Variants in ATAD1 observed in about 807,000 individuals in gnomAD.
ATAD1 encodes ATPase family AAA domain containing 1.
ATAD1 carries 18 observed loss-of-function variants against 42.7 expected under a neutral mutation model. The ratio of observed to expected loss-of-function variants is 0.42; its 90% CI spans 0.29 to 0.63. The LOEUF (loss-of-function observed/expected upper bound fraction) is 0.63. Ranked by LOEUF, ATAD1 falls within the 20% of genes least tolerant of loss-of-function variation. The pLI, the probability that ATAD1 is intolerant of heterozygous loss-of-function variation, is 0.19. For synonymous variants in ATAD1, 132 were observed against 143.1 expected (o/e 0.92, Z 0.55); for missense variants, 294 against 440.4 (o/e 0.67, Z 2.98).
chr10:87,784,491 T>TG lies in ATAD1; in HGVS notation c.561dup (p.Ile188HisfsTer6). ...ATACCTATTTCATCTATAAAGATGA[T>TG]GGATGGTTGTAGCTTTATGGCAAGG... On this transcript the variant is annotated frameshift_variant, in exon 5 of 10. Coordinates refer to ENST00000680024, the MANE Select transcript of ATAD1 (RefSeq NM_001321967.2). LOFTEE classifies it high-confidence loss of function. 1 of 1,613,480 alleles carries TG rather than the reference T, an allele frequency of 6.2e-7. No individual in the cohort carries two copies. Among genetic ancestry groups the TG allele is most frequent in the Non-Finnish European group, 8.5e-7 (1 of 1,179,668 alleles).
At chr10:87,828,557 G>C (rs975765333) in intron 1 of ATAD1, among the ~76,000 whole-genome samples, 3 of 152,234 alleles carry the variant, frequency 2.0e-5, no homozygotes, top group Non-Finnish European at 4.4e-5. Context: ...GAAGCAGCAA[G>C]TGCTAATGGA....
intron 1 of ATAD1, 184 bp downstream of exon 1, chr10:87,817,983 C>T (rs1245266223): frequency 1.0e-6 from 1 of 985,532 alleles, no homozygotes; most frequent in African/African-American, 1.7e-5. Context: ...CCGGGACGCC[C>T]TTGGAGGTTA....
At chr10:87,811,884 T>C (rs909946578) in intron 2 of ATAD1, among the ~76,000 whole-genome samples, 1 of 152,216 alleles carries the variant, frequency 6.6e-6, no homozygotes, top group Non-Finnish European at 1.5e-5. Context: ...TCAAATGTCA[T>C]CTTCTCATAA....
chr10:87,825,219 T>G (rs373103440), intron 1 of ATAD1, among the ~76,000 whole-genome samples: 72 of 152,180 alleles, frequency 4.7e-4, no homozygotes, highest in African/African-American at 1.7e-3. Flanking sequence ...AAAAATTAAT[T>G]TAGTAGATGA....
intron 1 of ATAD1, among the ~76,000 whole-genome samples, chr10:87,834,638 T>C (rs544590944): frequency 6.6e-6 from 1 of 152,264 alleles, no homozygotes; most frequent in African/African-American, 2.4e-5. Flanking sequence ...CTTTCATTCC[T>C]GATATGGTAA....
chr10:87,794,597 G>C (rs1322560047), intron 2 of ATAD1, among the ~76,000 whole-genome samples: 1 of 152,158 alleles, frequency 6.6e-6, no homozygotes, highest in Non-Finnish European at 1.5e-5. Flanking sequence ...AGTAGAGGTA[G>C]AGATGCCACT....
intron 2 of ATAD1, among the ~76,000 whole-genome samples, chr10:87,810,894 T>G (rs187350740): frequency 2.6e-5 from 4 of 152,348 alleles, no homozygotes; most frequent in East Asian, 1.9e-4. Context: ...TTTTGTATAC[T>G]GAGCCCCTCT....
intron 8 of ATAD1, among the ~76,000 whole-genome samples, chr10:87,763,078 C>CTAA (rs879404224): frequency 2.1e-5 from 1 of 47,914 alleles, no homozygotes; most frequent in Non-Finnish European, 3.5e-5. Context: ...GAGACTCTGT[C>CTAA]ACAAAAAAAA....
Position 87,756,929 on chromosome 10 carries a change from CAAATAT to C in ATAD1, c.832-13_832-8del. The C allele has an allele frequency of 6.3e-7, 1 of 1,576,432 alleles. No homozygotes were observed. The highest frequency in any genetic ancestry group is 8.6e-7 in the Non-Finnish European group (1 of 1,166,972). On this transcript the variant is annotated splice_region_variant and splice_polypyrimidine_tract_variant and intron_variant, in intron 8 of 9. Transcript: ENST00000680024. ...GGTCTACATGCCTATCCACCTTAAACAAATATAAAAACATGCTTAAAAAACAAAAAT... is the reference window on the plus strand; with the variant it reads ...GGTCTACATGCCTATCCACCTTAAACAAAAACATGCTTAAAAAACAAAAAT...
At chr10:87,769,183 A>T (rs1479274687) in intron 7 of ATAD1, among the ~76,000 whole-genome samples, 5 of 152,236 alleles carry the variant, frequency 3.3e-5, no homozygotes, top group Non-Finnish European at 5.9e-5. Flanking sequence ...ACAAATTTTT[A>T]AAAAAGTGTT....
At chr10:87,790,042 T>C (rs1856021411) in intron 4 of ATAD1, among the ~76,000 whole-genome samples, 1 of 152,210 alleles carries the variant, frequency 6.6e-6, no homozygotes, top group South Asian at 2.1e-4. Context: ...TCTTTAATCT[T>C]GATTTTCCAA....
At chr10:87,835,773 T>G (rs1857918447) in intron 1 of ATAD1, among the ~76,000 whole-genome samples, 1 of 152,206 alleles carries the variant, frequency 6.6e-6, no homozygotes, top group African/African-American at 2.4e-5. Context: ...TTTGTATATT[T>G]TTTAAAATTC....
chr10:87,779,231 G>A (rs932917697), intron 5 of ATAD1, among the ~76,000 whole-genome samples: 2 of 152,192 alleles, frequency 1.3e-5, no homozygotes, highest in Non-Finnish European at 2.9e-5. Flanking sequence ...CCAGGAGACA[G>A]AGGTTGCAGA....
intron 8 of ATAD1, among the ~76,000 whole-genome samples, chr10:87,760,212 G>A (rs556641591): frequency 2.6e-5 from 4 of 152,238 alleles, no homozygotes; most frequent in Admixed American, 6.5e-5. Context: ...TGTCCCCACC[G>A]AAGTCTCATG....
chr10:87,782,316 T>C (rs1308117333), intron 5 of ATAD1, among the ~76,000 whole-genome samples: 1 of 152,206 alleles, frequency 6.6e-6, no homozygotes, highest in Non-Finnish European at 1.5e-5. Flanking sequence ...ATCTACTCTT[T>C]GTACAACCTT....
At chr10:87,778,911 T>C (rs1206089344) in intron 5 of ATAD1, among the ~76,000 whole-genome samples, 2 of 152,118 alleles carry the variant, frequency 1.3e-5, no homozygotes, top group African/African-American at 2.4e-5. Flanking sequence ...CACAAAACTA[T>C]AAAACTTCTA....
chr10:87,801,424 C>A (rs913651506), intron 2 of ATAD1, among the ~76,000 whole-genome samples: 4 of 151,990 alleles, frequency 2.6e-5, no homozygotes, highest in Admixed American at 2.6e-4. Flanking sequence ...AAAAAAATTA[C>A]ACAGGAAACA....
chr10:87,790,496 C>A, intron 3 of ATAD1, 66 bp from the exon 4 acceptor site: 1 of 1,466,618 alleles, frequency 6.8e-7, no homozygotes, highest in Non-Finnish European at 9.1e-7. Context: ...AAAAAGAACG[C>A]TCCCAAAATT....
chr10:87,779,100 A>G (rs939325168), intron 5 of ATAD1, among the ~76,000 whole-genome samples: 1 of 151,950 alleles, frequency 6.6e-6, no homozygotes, highest in African/African-American at 2.4e-5. Context: ...AGTTTGAGAG[A>G]CCAGCCTGAC....
Sources: gnomAD v4.1 joint callset for allele counts (sites outside exome capture counted in the v4.1 genomes callset) on GRCh38, gnomAD v4.1.1 for gene constraint, MANE v1.5 for transcripts, NCBI Gene and HGNC (gene_info 2026-07-23, HGNC 2026-07-21) for gene names.